SMURF2: variants seen among roughly 807,000 people sequenced by gnomAD.
SMURF2 encodes the protein SMAD specific E3 ubiquitin protein ligase 2.
SMURF2 carries 48 observed loss-of-function variants against 109.6 expected under a neutral mutation model. The ratio of observed to expected loss-of-function variants is 0.44; its 90% CI spans 0.35 to 0.56. SMURF2 has a LOEUF of 0.56. SMURF2 is among the 20% of genes least tolerant of loss of function. SMURF2 has a pLI of 0.01. For synonymous variants in SMURF2, 288 were observed against 317.1 expected (o/e 0.91, Z 0.97); for missense variants, 575 against 909.0 (o/e 0.63, Z 4.72).
At chr17:64,608,509 T>C (rs1555689263) in intron 1 of SMURF2, among the ~76,000 whole-genome samples, 1 of 152,226 alleles carries the variant, frequency 6.6e-6, no homozygotes, top group East Asian at 1.9e-4. Flanking sequence ...CCCAAACTTT[T>C]GTCATAATAT....
At chr17:64,597,022 C>G (rs1969827522) in intron 3 of SMURF2, among the ~76,000 whole-genome samples, 1 of 151,960 alleles carries the variant, frequency 6.6e-6, no homozygotes, top group Non-Finnish European at 1.5e-5. Context: ...AATGGTTTAA[C>G]CAAAAAGGTT....
chr17:64,644,749 CA>C (rs1555692863), intron 1 of SMURF2, among the ~76,000 whole-genome samples: 1 of 151,636 alleles, frequency 6.6e-6, no homozygotes, highest in African/African-American at 2.4e-5. Flanking sequence ...CCAACTCTAC[CA>C]AAAAGACAAA....
rs71158333 is a variant in SMURF2, at chr17:64,605,744, A to AATATATATATATATATATATATAT, written c.91+834_91+857dup. Among the ~76,000 whole-genome samples, 130 of 99,052 alleles carry AATATATATATATATATATATATAT rather than the reference A, an allele frequency of 1.3e-3. 1 individual carries two copies. Among genetic ancestry groups the AATATATATATATATATATATATAT allele is most frequent in the African/African-American group, 2.4e-3 (61 of 24,936 alleles). 65.0% of individuals were successfully genotyped at this position (99,052 alleles called of 152,430 possible). The stretch of plus-strand genomic sequence containing the variant: ...AGGGCAAGATCCTGTCTCTAAAAAG[A>AATATATATATATATATATATATAT]ATATATATATATATATATATATATA... On this transcript the variant is annotated intron_variant, in intron 2 of 18. Coordinates refer to ENST00000262435, the MANE Select transcript of SMURF2 (RefSeq NM_022739.4).
At chr17:64,567,844 C>A (rs1198144935) in intron 10 of SMURF2, among the ~76,000 whole-genome samples, 1 of 149,474 alleles carries the variant, frequency 6.7e-6, no homozygotes. Context: ...CACCCGCCAC[C>A]ACACCTGGCT....
At chr17:64,639,253 C>T (rs1555692386) in intron 1 of SMURF2, among the ~76,000 whole-genome samples, 1 of 152,090 alleles carries the variant, frequency 6.6e-6, no homozygotes, top group Admixed American at 6.6e-5. Context: ...TTGCTAGGGT[C>T]CCTCCCAGAC....
At position 64,613,746 on chromosome 17, in the gene SMURF2, AG is replaced by A. The variant is rs1280814281; in HGVS notation, c.53-7107del. The stretch of plus-strand genomic sequence containing the variant: ...TGTGTGTGTGTGTGTGTGTGTGTGG[AG>A]GGGGGGCAGAGGGGAGCAGGCAAGG... On this transcript the variant is annotated intron_variant, in intron 1 of 18. Coordinates refer to ENST00000262435, the MANE Select transcript of SMURF2 (RefSeq NM_022739.4). Among the ~76,000 whole-genome samples, 11 of 30,394 alleles carry A rather than the reference AG, an allele frequency of 3.6e-4. 1 individual carries two copies. Among genetic ancestry groups the A allele is most frequent in the African/African-American group, 8.6e-4 (7 of 8,184 alleles). 19.9% of individuals were successfully genotyped at this position (30,394 alleles called of 152,430 possible). A position where few individuals can be genotyped will look rare whatever the true frequency, so the allele number is the denominator to read the frequency against.
intron 1 of SMURF2, among the ~76,000 whole-genome samples, chr17:64,643,627 G>A (rs969516193): frequency 7.2e-5 from 11 of 152,154 alleles, no homozygotes; most frequent in African/African-American, 2.7e-4. Flanking sequence ...ATCATTGCTA[G>A]TCCCTAGGTG....
Position 64,629,859 on chromosome 17 carries a change from A to G in SMURF2, c.53-23219T>C, listed in dbSNP as rs374364931. Among the ~76,000 whole-genome samples the G allele has an allele frequency of 1.4e-4, 22 of 152,276 alleles. 1 individual carries two copies. The South Asian group carries it at 4.4e-3, about 30-fold the overall frequency. On this transcript the variant is annotated intron_variant, in intron 1 of 18. Transcript: ENST00000262435. ...CATTCAAAGTCTAACAATACCTCCT[A>G]TGACTGGTAGAGGAAAGAACTGTCC...
intron 3 of SMURF2, among the ~76,000 whole-genome samples, chr17:64,596,559 A>G (rs1969820045): frequency 6.7e-6 from 1 of 148,810 alleles, no homozygotes; most frequent in Non-Finnish European, 1.5e-5. Context: ...AATGGAAGAT[A>G]AAGTTCACCG....
At chr17:64,614,820 T>A (rs1216952195) in intron 1 of SMURF2, among the ~76,000 whole-genome samples, 1 of 152,224 alleles carries the variant, frequency 6.6e-6, no homozygotes, top group Non-Finnish European at 1.5e-5. Context: ...TAAGACATAG[T>A]CCTTTGCTCT....
At chr17:64,624,921 G>A (rs1970248958) in intron 1 of SMURF2, among the ~76,000 whole-genome samples, 1 of 152,248 alleles carries the variant, frequency 6.6e-6, no homozygotes. Context: ...GTGATCTGTG[G>A]CCACATTTGC....
chr17:64,615,148 G>A (rs549429013), intron 1 of SMURF2, among the ~76,000 whole-genome samples: 10 of 152,002 alleles, frequency 6.6e-5, no homozygotes, highest in Non-Finnish European at 1.5e-4. Flanking sequence ...GGCTATCTAC[G>A]CTTAATGTGA....
chr17:64,552,051 T>C (rs1969053177), intron 15 of SMURF2, among the ~76,000 whole-genome samples: 1 of 152,224 alleles, frequency 6.6e-6, no homozygotes, highest in Non-Finnish European at 1.5e-5. Flanking sequence ...AATAAAGAGC[T>C]CTTTCACTCA....
rs782052452 is a variant in SMURF2 at position 64,562,903 on chromosome 17, T to C, written c.1080A>G (p.Thr360=). 6.2e-7 allele frequency: 1 copy of C among 1,614,230 alleles called. No individual in the cohort carries two copies. The highest frequency in any genetic ancestry group is 2.2e-5 in the East Asian group (1 of 44,896). ...QQVVSLCPDD[T]ECLTVPRYKR... ...TGTACCTTGGGACTGTCAGGCATTC[T>C]GTGTCATCAGGACATAACGATACCA... is the stretch of plus-strand genomic sequence containing the variant. The change falls in exon 11 of 19, where the codon ACA becomes ACG. Residue 360 remains threonine, a synonymous_variant. Transcript: ENST00000262435.
At chr17:64,652,287 T>C (rs1280163257) in intron 1 of SMURF2, among the ~76,000 whole-genome samples, 3 of 152,202 alleles carry the variant, frequency 2.0e-5, no homozygotes, top group East Asian at 1.9e-4. Flanking sequence ...TAAATACTTA[T>C]TGGCTGAACA....
In SMURF2 at chr17:64,661,955, C is replaced by A; in HGVS notation, c.-75G>T. Reference sequence around the variant, plus strand: ...GCGAGGCGCGGCGGAGTCACCACAGCGGCCGGGGCTGGGGCCCGAGCAGCC... The same window carrying A: ...GCGAGGCGCGGCGGAGTCACCACAGAGGCCGGGGCTGGGGCCCGAGCAGCC... On this transcript the variant is annotated 5_prime_UTR_variant, in exon 1 of 19. Transcript: ENST00000262435. 1.8e-6 allele frequency: 2 copies of A among 1,134,592 alleles called. No homozygotes were observed. Among genetic ancestry groups the A allele is most frequent in the Non-Finnish European group, 2.2e-6 (2 of 926,136 alleles). The allele number at this position is 1,134,592 out of a possible 1,614,324, so 70.3% of individuals were successfully genotyped here.
At chr17:64,611,938 C>T (rs1046005166) in intron 1 of SMURF2, among the ~76,000 whole-genome samples, 11 of 152,128 alleles carry the variant, frequency 7.2e-5, no homozygotes, top group South Asian at 4.2e-4. Context: ...CACTAACCTT[C>T]ACTTTCTCAA....
chr17:64,588,412 T>A (rs1326122547), intron 5 of SMURF2, among the ~76,000 whole-genome samples: 2 of 152,096 alleles, frequency 1.3e-5, no homozygotes, highest in Non-Finnish European at 2.9e-5. Flanking sequence ...AAAAATTTTT[T>A]AATTATTAAG....
At chr17:64,599,804 G>A (rs1323756392) in intron 2 of SMURF2, among the ~76,000 whole-genome samples, 2 of 152,160 alleles carry the variant, frequency 1.3e-5, no homozygotes, top group East Asian at 3.8e-4. Flanking sequence ...CGAAGGTTGG[G>A]GGCTGCTGCT....
Sources: gnomAD v4.1 joint callset for allele counts (sites outside exome capture counted in the v4.1 genomes callset) on GRCh38, gnomAD v4.1.1 for gene constraint, MANE v1.5 for transcripts, NCBI Gene and HGNC (gene_info 2026-07-23, HGNC 2026-07-21) for gene names.